MMP16: variants seen among roughly 807,000 people sequenced by gnomAD.
MMP16 encodes the protein matrix metalloproteinase-16.
MMP16 carries 12 observed loss-of-function variants against 67.8 expected under a neutral mutation model. The observed-to-expected ratio is 0.18, with a 90% CI of 0.11 to 0.29. The LOEUF is 0.29. MMP16 is among the 10% of genes least tolerant of loss of function. The pLI is 1.00. For missense variants in MMP16, 475 were observed against 765.7 expected, an observed-to-expected ratio of 0.62 and a Z score of 4.48; for synonymous variants, 249 against 255.9, an observed-to-expected ratio of 0.97 and a Z score of 0.26.
At chr8:88,327,050 AG>A in intron 1 of MMP16, 24 bp downstream of exon 1, 1 of 1,612,262 alleles carries the variant, frequency 6.2e-7, no homozygotes, top group South Asian at 1.1e-5. Context: ...CAGCGGGGGG[AG>A]GAAGAAAGCC....
At chr8:88,257,238 C>T (rs1810317426) in intron 1 of MMP16, among the ~76,000 whole-genome samples, 1 of 152,178 alleles carries the variant, frequency 6.6e-6, no homozygotes, top group Admixed American at 6.5e-5. Flanking sequence ...AGTCCTTGCT[C>T]TTACAGGGCT....
At chr8:88,064,228 T>A (rs1808435724) in intron 7 of MMP16, among the ~76,000 whole-genome samples, 1 of 152,154 alleles carries the variant, frequency 6.6e-6, no homozygotes, top group Non-Finnish European at 1.5e-5. Context: ...CAGGAAAGAT[T>A]AGAAAACAAA....
chr8:88,274,228 A>G (rs1236271908), intron 1 of MMP16, among the ~76,000 whole-genome samples: 3 of 152,088 alleles, frequency 2.0e-5, no homozygotes, highest in African/African-American at 7.2e-5. Context: ...ATATATGTAT[A>G]GCTGAATTTA....
intron 1 of MMP16, among the ~76,000 whole-genome samples, chr8:88,316,085 G>A (rs1811371039): frequency 1.3e-5 from 2 of 152,300 alleles, no homozygotes; most frequent in South Asian, 2.1e-4. Flanking sequence ...AGAGAGGTGA[G>A]GAAGCTGCAG....
Position 88,197,325 on chromosome 8 carries a change from T to G in MMP16, c.133-19A>C. ...ACCAAACCTGCAATAACAAGTACAG[T>G]TTCTTTTAGATCAATTTTACAATTT... On this transcript the variant is annotated intron_variant, in intron 1 of 9. Coordinates refer to ENST00000286614, the MANE Select transcript of MMP16 (RefSeq NM_005941.5). The G allele has an allele frequency of 6.6e-7, 1 of 1,526,674 alleles. No individual in the cohort carries two copies. The highest frequency in any genetic ancestry group is 1.4e-5 in the African/African-American group (1 of 71,000). 94.6% of individuals were successfully genotyped at this position (1,526,674 alleles called of 1,614,324 possible). A position where few individuals can be genotyped will look rare whatever the true frequency, so the allele number is the denominator to read the frequency against.
chr8:88,256,462 G>A (rs1037057930), intron 1 of MMP16, among the ~76,000 whole-genome samples: 2 of 151,998 alleles, frequency 1.3e-5, no homozygotes, highest in Non-Finnish European at 2.9e-5. Context: ...TTTAAATAAA[G>A]TGTTGTCTAG....
chr8:88,149,882 G>C (rs1204260061), intron 4 of MMP16, among the ~76,000 whole-genome samples: 1 of 148,454 alleles, frequency 6.7e-6, no homozygotes, highest in Non-Finnish European at 1.5e-5. Context: ...GATGAGCTGA[G>C]AGAAGAAGGC....
intron 6 of MMP16, among the ~76,000 whole-genome samples, chr8:88,104,967 ATAAATT>A (rs1809212001): frequency 2.0e-5 from 3 of 151,616 alleles, no homozygotes. Flanking sequence ...TTTAAAAATT[ATAAATT>A]TAGTGTAGCC....
intron 3 of MMP16, among the ~76,000 whole-genome samples, chr8:88,176,875 T>C (rs1002764106): frequency 4.6e-5 from 7 of 152,324 alleles, no homozygotes; most frequent in African/African-American, 1.7e-4. Flanking sequence ...GATGTTCTCC[T>C]TGGCCTTCAC....
chr8:88,164,308 G>GA (rs373538518), intron 4 of MMP16, among the ~76,000 whole-genome samples: 17 of 144,662 alleles, frequency 1.2e-4, no homozygotes, highest in South Asian at 2.2e-4. Flanking sequence ...CTAGATTAAA[G>GA]AAAAAAAAAA....
intron 6 of MMP16, among the ~76,000 whole-genome samples, chr8:88,079,651 G>C (rs772440529): frequency 2.0e-5 from 3 of 152,188 alleles, no homozygotes; most frequent in Non-Finnish European, 4.4e-5. Context: ...ACTATGCTAT[G>C]ATCTGAATGT....
chr8:88,100,368 A>G (rs945614580), intron 6 of MMP16, among the ~76,000 whole-genome samples: 1 of 152,072 alleles, frequency 6.6e-6, no homozygotes, highest in Non-Finnish European at 1.5e-5. Flanking sequence ...CAACAGACAC[A>G]TGAAAAAATG....
At chr8:88,248,790 TAAA>T (rs11356043) in intron 1 of MMP16, among the ~76,000 whole-genome samples, 14 of 140,048 alleles carry the variant, frequency 1.0e-4, no homozygotes, top group Non-Finnish European at 1.1e-4. Context: ...TTGGACATAG[TAAA>T]AAAAAAAAAA....
At chr8:88,086,343 G>T (rs1281560534) in intron 6 of MMP16, among the ~76,000 whole-genome samples, 1 of 151,844 alleles carries the variant, frequency 6.6e-6, no homozygotes, top group Non-Finnish European at 1.5e-5. Flanking sequence ...TCTGATTTTT[G>T]TTCTCCTCCT....
At chr8:88,271,893 T>C (rs890448636) in intron 1 of MMP16, among the ~76,000 whole-genome samples, 4 of 152,206 alleles carry the variant, frequency 2.6e-5, no homozygotes, top group Admixed American at 2.6e-4. Context: ...ATCTTATGCA[T>C]TATAGTGATA....
chr8:88,301,707 C>T (rs28986473), intron 1 of MMP16, among the ~76,000 whole-genome samples: 1,791 of 152,278 alleles, frequency 0.012, 21 homozygotes, highest in African/African-American at 0.041. Flanking sequence ...ATAGCTACTA[C>T]ATAAACACCT....
At chr8:88,070,021 A>T (rs1808524835) in intron 7 of MMP16, among the ~76,000 whole-genome samples, 1 of 152,130 alleles carries the variant, frequency 6.6e-6, no homozygotes, top group Admixed American at 6.6e-5. Flanking sequence ...ATCTCCATGG[A>T]TACAGTTTTA....
At chr8:88,246,430 T>A (rs1241717288) in intron 1 of MMP16, among the ~76,000 whole-genome samples, 1 of 152,194 alleles carries the variant, frequency 6.6e-6, no homozygotes, top group Non-Finnish European at 1.5e-5. Context: ...TGATAAGCCA[T>A]GTGGCCAATC....
intron 3 of MMP16, among the ~76,000 whole-genome samples, chr8:88,169,851 T>C (rs373668497): frequency 1.1e-4 from 17 of 152,124 alleles, no homozygotes; most frequent in African/African-American, 3.4e-4. Context: ...CCACTCTAAA[T>C]AGAGTTTGGC....
Sources: allele counts gnomAD v4.1 joint callset (sites outside exome capture counted in the v4.1 genomes callset), GRCh38; gene constraint gnomAD v4.1.1; transcripts MANE v1.5; gene names NCBI Gene and HGNC (gene_info 2026-07-23, HGNC 2026-07-21).